The following HAPSTR1 variants were observed in gnomAD, a reference collection of about 807,000 sequenced individuals.
HAPSTR1 encodes the protein HUWE1-associated protein modifying stress responses 1.
At chr16:9,092,618 A>G in the HAPSTR1 span, among the ~76,000 whole-genome samples, 34 of 151,878 alleles carry the variant, frequency 2.2e-4, 1 homozygote, top group Admixed American at 2.2e-3. Context: ...GGGCGGCCCC[A>G]TTGTGCCCTG....
the HAPSTR1 span, among the ~76,000 whole-genome samples, chr16:9,096,099 C>G: frequency 5.3e-5 from 8 of 152,204 alleles, no homozygotes; most frequent in South Asian, 1.5e-3. Flanking sequence ...TTACTTCTTA[C>G]CTTTATGGTC....
At chr16:9,100,549 T>G in the HAPSTR1 span, among the ~76,000 whole-genome samples, 4 of 152,188 alleles carry the variant, frequency 2.6e-5, no homozygotes, top group African/African-American at 9.7e-5. Flanking sequence ...ATCTTTTTTT[T>G]TTGAGAGAGA....
At chr16:9,094,584 C>G in the HAPSTR1 span, among the ~76,000 whole-genome samples, 1 of 152,026 alleles carries the variant, frequency 6.6e-6, no homozygotes, top group South Asian at 2.1e-4. Flanking sequence ...TCCATCATGT[C>G]CTAAATAGAA....
the HAPSTR1 span, among the ~76,000 whole-genome samples, chr16:9,100,443 G>A: frequency 2.7e-5 from 4 of 150,784 alleles, no homozygotes; most frequent in South Asian, 2.1e-4. Flanking sequence ...AACACCTCAC[G>A]TGGCCCCTTC....
chr16:9,099,376 T>G, the HAPSTR1 span, among the ~76,000 whole-genome samples: 1 of 152,040 alleles, frequency 6.6e-6, no homozygotes, highest in Non-Finnish European at 1.5e-5. Context: ...TTTTATATTT[T>G]GAGATGAGGT....
chr16:9,104,122 T>G, the HAPSTR1 span: 3 of 151,738 alleles, frequency 2.0e-5, no homozygotes, highest in Non-Finnish European at 4.4e-5. Context: ...TTCTTTTTTT[T>G]TTTTTTTTGG....
chr16:9,108,282 C>T, the HAPSTR1 span: 1 of 152,100 alleles, frequency 6.6e-6, no homozygotes, highest in African/African-American at 2.4e-5. Flanking sequence ...ATAGATACTC[C>T]AGTCCTGTCT....
the HAPSTR1 span, among the ~76,000 whole-genome samples, chr16:9,098,759 T>C: frequency 0.5 from 76,636 of 152,062 alleles, 21,058 homozygotes; most frequent in African/African-American, 0.73. Flanking sequence ...AGTATTTCTT[T>C]AGAAGTGTTG....
chr16:9,098,586 G>T, the HAPSTR1 span, among the ~76,000 whole-genome samples: 2 of 152,166 alleles, frequency 1.3e-5, no homozygotes, highest in Non-Finnish European at 2.9e-5. Flanking sequence ...GCTGAGGGGA[G>T]AGGTTCTCTT....
the HAPSTR1 span, chr16:9,110,948 G>C: frequency 6.6e-6 from 1 of 152,236 alleles, no homozygotes; most frequent in Non-Finnish European, 1.5e-5. Flanking sequence ...TGAGGCAGGA[G>C]AATTGCCTGA....
At chr16:9,102,300 AT>A in the HAPSTR1 span, among the ~76,000 whole-genome samples, 1 of 76,790 alleles carries the variant, frequency 1.3e-5, no homozygotes, top group Non-Finnish European at 2.3e-5. Flanking sequence ...AAATTTTCAA[AT>A]TTTTTTTCAA....
the HAPSTR1 span, chr16:9,091,769 G>T: frequency 7.3e-5 from 29 of 396,164 alleles, no homozygotes; most frequent in East Asian, 1.0e-3. Context: ...TGCGGCGGCC[G>T]AGGCGAGGGG....
chr16:9,092,874 GTTTC>G, the HAPSTR1 span: 14 of 1,490,428 alleles, frequency 9.4e-6, no homozygotes, highest in South Asian at 1.7e-4. Context: ...TTCTATGTGT[GTTTC>G]TTTTTTCTTT....
chr16:9,093,298 G>A, the HAPSTR1 span, among the ~76,000 whole-genome samples: 2 of 152,270 alleles, frequency 1.3e-5, no homozygotes, highest in East Asian at 3.9e-4. Flanking sequence ...CAGTGCCCAA[G>A]ATAACCGCCC....
the HAPSTR1 span, among the ~76,000 whole-genome samples, chr16:9,095,756 G>A: frequency 6.6e-6 from 1 of 152,094 alleles, no homozygotes; most frequent in East Asian, 1.9e-4. Flanking sequence ...GGAAGATAAT[G>A]TAAATGTAAG....
the HAPSTR1 span, among the ~76,000 whole-genome samples, chr16:9,115,718 G>A: frequency 1.3e-5 from 2 of 152,134 alleles, no homozygotes; most frequent in South Asian, 2.1e-4. Flanking sequence ...GGGTTCAAGC[G>A]ATTCTCCTCC....
chr16:9,091,655 G>A, the HAPSTR1 span: 2 of 398,372 alleles, frequency 5.0e-6, no homozygotes, highest in South Asian at 2.5e-4. Context: ...CTCAGTCTTG[G>A]GGTGGGCTCC....
chr16:9,113,000 A>G, the HAPSTR1 span: 9 of 127,874 alleles, frequency 7.0e-5, no homozygotes, highest in Non-Finnish European at 1.1e-4. Context: ...AGGACGTACA[A>G]CTTGGTTTTT....
chr16:9,110,339 G>T, the HAPSTR1 span: 3 of 152,138 alleles, frequency 2.0e-5, no homozygotes, highest in Non-Finnish European at 4.4e-5. Flanking sequence ...GAATGTTTTA[G>T]AAAGAAGAAT....
Sources: allele counts gnomAD v4.1 joint callset (sites outside exome capture counted in the v4.1 genomes callset), GRCh38; gene constraint gnomAD v4.1.1; transcripts MANE v1.5; gene names NCBI Gene and HGNC (gene_info 2026-07-23, HGNC 2026-07-21).